Variants in KIAA1958 observed in about 807,000 individuals in gnomAD.
KIAA1958 encodes the protein uncharacterized protein KIAA1958.
Under a neutral mutation model 47.2 loss-of-function variants are expected in KIAA1958, and 14 were observed. The observed-to-expected ratio is 0.30, with a 90% CI of 0.20 to 0.46. The LOEUF is 0.46. Among genes scored for constraint, KIAA1958 ranks in the 20% least tolerant of loss-of-function variants. The pLI is 1.00. For synonymous variants in KIAA1958, 354 were observed against 353.3 expected (o/e 1.00, Z -0.02); for missense variants, 803 against 909.2 (o/e 0.88, Z 1.50).
At chr9:112,627,873 A>G (rs1409605898) in intron 2 of KIAA1958, among the ~76,000 whole-genome samples, 1 of 152,222 alleles carries the variant, frequency 6.6e-6, no homozygotes, top group African/African-American at 2.4e-5. Flanking sequence ...TACTTAACAT[A>G]CTTGGTTGCC....
intron 1 of KIAA1958, among the ~76,000 whole-genome samples, chr9:112,490,715 T>C (rs10981423): frequency 0.017 from 2,664 of 152,320 alleles, 73 homozygotes; most frequent in African/African-American, 0.061. Context: ...GAAAGGCAAA[T>C]TATGCAGCCG....
At position 112,545,825 on chromosome 9, in the gene KIAA1958, G is replaced by GTT. The variant is rs768489084; in HGVS notation, c.-24-28212_-24-28211dup. On this transcript the variant is annotated intron_variant, in intron 1 of 3. Coordinates refer to ENST00000337530, the MANE Select transcript of KIAA1958 (RefSeq NM_133465.4). ...TCTTTAGTGATACACAGGTTTCTTT[G>GTT]TTTTTTTTTTTTTTTTTTTTTAGTG... Among the ~76,000 whole-genome samples, 44 of 92,994 alleles carry GTT rather than the reference G, an allele frequency of 4.7e-4. 2 individuals are homozygous for GTT. Among genetic ancestry groups the GTT allele is most frequent in the South Asian group, 1.0e-3 (3 of 2,870 alleles). 61.0% of individuals were successfully genotyped at this position (92,994 alleles called of 152,430 possible). A position where few individuals can be genotyped will look rare whatever the true frequency, so the allele number is the denominator to read the frequency against.
intron 1 of KIAA1958, among the ~76,000 whole-genome samples, chr9:112,564,768 C>T (rs1385174018): frequency 6.6e-6 from 1 of 152,026 alleles, no homozygotes; most frequent in African/African-American, 2.4e-5. Flanking sequence ...ATCAAATTAA[C>T]AACATTAATT....
chr9:112,504,990 A>G (rs1259278251), intron 1 of KIAA1958, among the ~76,000 whole-genome samples: 5 of 152,118 alleles, frequency 3.3e-5, no homozygotes, highest in African/African-American at 1.2e-4. Context: ...TATTCCTTCT[A>G]TCTTACTCTA....
In KIAA1958 at chr9:112,528,468, A is replaced by G. The variant is rs893002025; in HGVS notation, c.-25+41350A>G. Among the ~76,000 whole-genome samples the G allele has an allele frequency of 2.6e-5, 4 of 152,136 alleles. No homozygotes were observed. The East Asian group carries it at 5.8e-4, about 22-fold the overall frequency. ...ACCATTTTGTATCATTGTCATCTGT[A>G]TATCAGCCAGGCTCTCACCTTCCTC... On this transcript the variant is annotated intron_variant, in intron 1 of 3. Transcript: ENST00000337530.
At chr9:112,633,205 CTTTT>C (rs757103610) in intron 2 of KIAA1958, among the ~76,000 whole-genome samples, 1 of 140,704 alleles carries the variant, frequency 7.1e-6, no homozygotes. Flanking sequence ...TGTTATGATA[CTTTT>C]TTTTTTTTTT....
rs547252596 is a variant in KIAA1958, at chr9:112,651,028, A to G, written c.1344+5206A>G. Among the ~76,000 whole-genome samples the G allele has an allele frequency of 2.6e-5, 4 of 152,350 alleles. No individual in the cohort carries two copies. In the South Asian group the frequency reaches 8.3e-4, roughly 32 times the overall value. On this transcript the variant is annotated intron_variant, in intron 3 of 3. Transcript: ENST00000337530. ...ACTTAAAAACAGAGCATAAAAGCAC[A>G]TGAAGCAAAAGATGATAAAACTTAA...
intron 1 of KIAA1958, among the ~76,000 whole-genome samples, chr9:112,496,204 A>G (rs1044283152): frequency 1.3e-5 from 2 of 152,232 alleles, no homozygotes; most frequent in African/African-American, 2.4e-5. Flanking sequence ...ACATCATGGT[A>G]TATTTACACA....
chr9:112,550,671 A>G (rs765631825), intron 1 of KIAA1958, among the ~76,000 whole-genome samples: 4 of 152,216 alleles, frequency 2.6e-5, no homozygotes, highest in Non-Finnish European at 4.4e-5. Flanking sequence ...GTTGAATCAC[A>G]TGAGGAATGT....
chr9:112,574,387 C>T lies in KIAA1958; in HGVS notation c.307C>T (p.Pro103Ser), dbSNP rs142216189. The T allele has an allele frequency of 3.9e-5, 63 of 1,614,072 alleles. No homozygotes were observed. In the East Asian group the frequency reaches 1.4e-3, roughly 35 times the overall value. The stretch of plus-strand genomic sequence containing the variant: ...ACAGACTAGCCCTGTTGAAAGGTAC[C>T]CTGGGAGACCAGTGAAAGCAAAGCT... ...ETQTSPVERYPGRPVKAKLDC... is the reference protein window; with the variant it reads ...ETQTSPVERYSGRPVKAKLDC... The change falls in exon 2 of 4, where the codon CCT becomes TCT. Residue 103 changes from proline to serine, a missense_variant. By Grantham distance (74) the Pro-to-Ser change is moderately conservative. Transcript: ENST00000337530.
intron 1 of KIAA1958, among the ~76,000 whole-genome samples, chr9:112,514,565 G>A (rs1474721484): frequency 1.2e-3 from 12 of 9,650 alleles, no homozygotes; most frequent in African/African-American, 8.0e-3. Context: ...CACCCCGTCC[G>A]GGAGGGAGAT....
chr9:112,655,462 T>TC (rs1837134540), intron 3 of KIAA1958, among the ~76,000 whole-genome samples: 1 of 152,136 alleles, frequency 6.6e-6, no homozygotes, highest in Non-Finnish European at 1.5e-5. Context: ...TCTACAATAA[T>TC]CCCCCCTTGT....
intron 1 of KIAA1958, among the ~76,000 whole-genome samples, chr9:112,489,676 A>G (rs971273662): frequency 1.3e-5 from 2 of 150,754 alleles, no homozygotes; most frequent in African/African-American, 4.8e-5. Flanking sequence ...TATTTTGACA[A>G]ATAAGTGCTG....
intron 1 of KIAA1958, among the ~76,000 whole-genome samples, chr9:112,563,519 A>G (rs1463085881): frequency 6.6e-6 from 1 of 151,986 alleles, no homozygotes; most frequent in Non-Finnish European, 1.5e-5. Flanking sequence ...TAATTTTTAA[A>G]TATTTTACTG....
intron 2 of KIAA1958, among the ~76,000 whole-genome samples, chr9:112,586,730 A>G (rs1835828194): frequency 6.6e-6 from 1 of 152,230 alleles, no homozygotes; most frequent in Non-Finnish European, 1.5e-5. Context: ...AAACCTCAGA[A>G]TATAATTTTC....
intron 2 of KIAA1958, among the ~76,000 whole-genome samples, chr9:112,626,596 C>T (rs992458650): frequency 6.6e-6 from 1 of 151,916 alleles, no homozygotes; most frequent in Non-Finnish European, 1.5e-5. Context: ...TTTTTATGTC[C>T]ATTTATTTTC....
At chr9:112,507,848 G>T (rs758696193) in intron 1 of KIAA1958, among the ~76,000 whole-genome samples, 1 of 150,326 alleles carries the variant, frequency 6.7e-6, no homozygotes, top group Non-Finnish European at 1.5e-5. Context: ...TCCTAGGCTG[G>T]TCTTGACTTC....
chr9:112,570,574 T>G (rs903012365), intron 1 of KIAA1958, among the ~76,000 whole-genome samples: 1 of 152,246 alleles, frequency 6.6e-6, no homozygotes. Flanking sequence ...TTAGTAACCT[T>G]GTATATTTAA....
At chr9:112,513,384 C>A (rs1412203925) in intron 1 of KIAA1958, among the ~76,000 whole-genome samples, 2 of 149,288 alleles carry the variant, frequency 1.3e-5, no homozygotes, top group Non-Finnish European at 3.0e-5. Flanking sequence ...AGGGAACAGC[C>A]ATGCAGAGGC....
Sources: allele counts gnomAD v4.1 joint callset (sites outside exome capture counted in the v4.1 genomes callset), GRCh38; gene constraint gnomAD v4.1.1; transcripts MANE v1.5; gene names NCBI Gene and HGNC (gene_info 2026-07-23, HGNC 2026-07-21).